AMMECR1: variants seen among roughly 807,000 people sequenced by gnomAD.
AMMECR1 encodes nuclear protein AMMECR1.
A neutral mutation model predicts 22.5 loss-of-function variants in AMMECR1; 3 were observed. That is an observed-to-expected ratio of 0.13 (90% CI 0.06 to 0.35). The LOEUF is 0.35. Among genes scored for constraint, AMMECR1 ranks in the 10% least tolerant of loss-of-function variants. AMMECR1 has a pLI of 1.00. For synonymous variants in AMMECR1, 130 were observed against 116.7 expected, an observed-to-expected ratio of 1.11 and a Z score of -0.74; for missense variants, 235 against 278.7, an observed-to-expected ratio of 0.84 and a Z score of 1.12.
At chrX:110,268,267 A>C in intron 1 of AMMECR1, among the ~76,000 whole-genome samples, 1 of 111,972 alleles carries the variant, frequency 8.9e-6, no homozygotes, top group African/African-American at 3.3e-5. Flanking sequence ...ATTGCGGGGA[A>C]GTATCTGTGT....
intron 2 of AMMECR1, among the ~76,000 whole-genome samples, chrX:110,343,519 A>C (rs1263432472): frequency 2.7e-5 from 3 of 111,222 alleles, no homozygotes; most frequent in African/African-American, 9.8e-5. Flanking sequence ...AAAGAAATAA[A>C]GGGTATTCAA....
intron 2 of AMMECR1, among the ~76,000 whole-genome samples, chrX:110,415,526 G>A (rs1304703302): frequency 2.7e-5 from 3 of 111,382 alleles, no homozygotes; most frequent in African/African-American, 6.5e-5. Context: ...TGGAGGAATC[G>A]ACAACCAATA....
At chrX:110,206,228 A>T (rs2067421038) in intron 3 of AMMECR1, among the ~76,000 whole-genome samples, 1 of 112,129 alleles carries the variant, frequency 8.9e-6, no homozygotes, top group African/African-American at 3.2e-5. Flanking sequence ...TTTGCTACAC[A>T]GTAAAAGGTT....
chrX:110,279,879 T>A (rs755944457), intron 1 of AMMECR1, among the ~76,000 whole-genome samples: 5 of 111,994 alleles, frequency 4.5e-5, no homozygotes, highest in Admixed American at 9.4e-5. Flanking sequence ...TAAGAAAAAC[T>A]AATTTTATCT....
At position 110,317,619 on chromosome X, in the gene AMMECR1, G is replaced by T. The variant is rs1221219524; in HGVS notation, c.453C>A (p.Pro151=). The T allele has an allele frequency of 3.4e-6, 4 of 1,192,863 alleles. No individual in the cohort carries two copies. In the East Asian group the frequency reaches 9.0e-5, roughly 27 times the overall value. The change falls in exon 1 of 6, where the codon CCC becomes CCA. Residue 151 remains proline (P), a synonymous_variant. Coordinates refer to ENST00000262844, the MANE Select transcript of AMMECR1 (RefSeq NM_015365.3). ...CTCACTAGGGCTCGTTGGTGAATCG[G>T]GGGGTCCGGGGCTGCTGGTATCCAT... ...HLYGYQQPRT[P]RFTNEPYPLF...
intron 2 of AMMECR1, among the ~76,000 whole-genome samples, chrX:110,328,362 T>A: frequency 9.0e-6 from 1 of 110,569 alleles, no homozygotes; most frequent in Non-Finnish European, 1.9e-5. Context: ...ATCAGCTAAA[T>A]AAAGTATTCT....
chrX:110,321,734 A>G (rs756365925), upstream of AMMECR1, among the ~76,000 whole-genome samples: 2 of 111,057 alleles, frequency 1.8e-5, no homozygotes, highest in African/African-American at 6.5e-5. Context: ...GAACATTCAC[A>G]TATTTCATTG....
intron 1 of AMMECR1, among the ~76,000 whole-genome samples, chrX:110,277,000 C>T (rs902649223): frequency 9.0e-6 from 1 of 110,983 alleles, no homozygotes; most frequent in Non-Finnish European, 1.9e-5. Flanking sequence ...GAGCTCACTT[C>T]GTTTGTTCCC....
At chrX:110,203,277 T>C (rs866168131) in intron 3 of AMMECR1, among the ~76,000 whole-genome samples, 78 of 111,962 alleles carry the variant, frequency 7.0e-4, no homozygotes, top group Middle Eastern at 4.6e-3. Context: ...CCACTGTAAC[T>C]TTTTAATGTA....
At chrX:110,253,075 G>A (rs2067694183) in intron 2 of AMMECR1, among the ~76,000 whole-genome samples, 1 of 112,130 alleles carries the variant, frequency 8.9e-6, no homozygotes, top group African/African-American at 3.2e-5. Context: ...CGGGGACCAT[G>A]CTTGGTGTGT....
intron 2 of AMMECR1, among the ~76,000 whole-genome samples, chrX:110,259,781 C>T (rs1467552747): frequency 9.2e-6 from 1 of 109,282 alleles, no homozygotes; most frequent in African/African-American, 3.3e-5. Flanking sequence ...TTAGTAGAGA[C>T]GGAGTTTCAC....
chrX:110,210,766 G>C (rs758971252), intron 3 of AMMECR1, among the ~76,000 whole-genome samples: 2 of 112,152 alleles, frequency 1.8e-5, no homozygotes, highest in Non-Finnish European at 3.8e-5. Context: ...TGCCTTGGAG[G>C]TTGCTTTTAA....
chrX:110,421,146 G>C (rs1420247769), intron 2 of AMMECR1, among the ~76,000 whole-genome samples: 4 of 112,263 alleles, frequency 3.6e-5, no homozygotes, highest in Non-Finnish European at 7.5e-5. Flanking sequence ...GCACAGCCCA[G>C]CCCGTGAAAA....
intron 1 of AMMECR1, among the ~76,000 whole-genome samples, chrX:110,289,755 T>C (rs370993425): frequency 2.7e-5 from 3 of 112,259 alleles, no homozygotes; most frequent in East Asian, 5.5e-4. Context: ...AAATGGTAGT[T>C]GACAGTGCTC....
At chrX:110,200,577 A>G (rs183687911) in intron 5 of AMMECR1, among the ~76,000 whole-genome samples, 31 of 112,265 alleles carry the variant, frequency 2.8e-4, no homozygotes, top group African/African-American at 9.7e-4. Context: ...ATCACTGCCA[A>G]AATTCTGAGA....
intron 2 of AMMECR1, among the ~76,000 whole-genome samples, chrX:110,376,098 G>GA (rs761539889): frequency 2.7e-5 from 3 of 111,459 alleles, no homozygotes; most frequent in South Asian, 7.7e-4. Flanking sequence ...GGTGGTTTCA[G>GA]AACCAGACAT....
chrX:110,232,086 T>A (rs2067570123), intron 2 of AMMECR1, among the ~76,000 whole-genome samples: 1 of 110,577 alleles, frequency 9.0e-6, no homozygotes, highest in African/African-American at 3.3e-5. Context: ...AACACCCCAT[T>A]GTCAATATTT....
At position 110,317,906 on chromosome X, in the gene AMMECR1, G is replaced by A; in HGVS notation, c.166C>T (p.Leu56=). 1 of 1,195,877 alleles carries A rather than the reference G, an allele frequency of 8.4e-7. No individual in the cohort carries two copies. The highest frequency in any genetic ancestry group is 1.1e-6 in the Non-Finnish European group (1 of 887,779). Residue 56 remains leucine, a synonymous_variant, in exon 1 of 6, where the codon CTG becomes TTG. Transcript: ENST00000262844. The part of the protein sequence containing the change: ...LGGAGTRLNG[L]GGLTGGGSGS... ...CTACCTCCTCCGGTTAGACCTCCCA[G>A]CCCGTTGAGCCGCGTACCGGCGCCT... is the stretch of plus-strand genomic sequence containing the variant.
chrX:110,338,372 A>T (rs1049553721), intron 2 of AMMECR1, among the ~76,000 whole-genome samples: 2 of 112,014 alleles, frequency 1.8e-5, no homozygotes, highest in African/African-American at 3.2e-5. Flanking sequence ...CAGAAGTACA[A>T]ACAATGAGTG....
Sources: allele counts gnomAD v4.1 joint callset (sites outside exome capture counted in the v4.1 genomes callset), GRCh38; gene constraint gnomAD v4.1.1; transcripts MANE v1.5; gene names NCBI Gene and HGNC (gene_info 2026-07-23, HGNC 2026-07-21).